PPP1R9A: variants seen among roughly 807,000 people sequenced by gnomAD.
The protein encoded by PPP1R9A is neurabin-1.
In PPP1R9A, 59 loss-of-function variants were observed where a neutral mutation model predicts 141.9. The observed-to-expected ratio is 0.42, with a 90% confidence interval of 0.34 to 0.52. PPP1R9A has a LOEUF of 0.52. Ranked by LOEUF, PPP1R9A falls within the 20% of genes least tolerant of loss-of-function variation. PPP1R9A has a pLI of 0.10. For synonymous variants in PPP1R9A, 500 were observed against 569.7 expected, an observed-to-expected ratio of 0.88 and a Z score of 1.74; for missense variants, 1,444 against 1,611.9, an observed-to-expected ratio of 0.90 and a Z score of 1.78.
chr7:95,070,612 C>CATATATATATATATATATAT (rs1189594255), intron 2 of PPP1R9A, among the ~76,000 whole-genome samples: 1,419 of 79,594 alleles, frequency 0.018, 34 homozygotes, highest in African/African-American at 0.062. Context: ...TATATATATA[C>CATATATATATATATATATAT]ACACACACAC....
rs866855364 is a variant in PPP1R9A at position 95,101,203 on chromosome 7, G to C, written c.1396-10056G>C. On this transcript the variant is annotated intron_variant, in intron 2 of 19. Transcript: ENST00000433360. ...GTTTTCACTTAAAATGAGGTGAAAC[G>C]TTCTTAGTTATATTAATCTCTTGGC... is the stretch of plus-strand genomic sequence containing the variant. 2.0e-5 allele frequency among the ~76,000 whole-genome samples: 3 copies of C among 152,226 alleles called. No homozygotes were observed. In the Middle Eastern group the frequency reaches 0.01, roughly 518 times the overall value.
chr7:95,071,875 C>T (rs1223716344), intron 2 of PPP1R9A, among the ~76,000 whole-genome samples: 1 of 151,704 alleles, frequency 6.6e-6, no homozygotes, highest in African/African-American at 2.4e-5. Context: ...GGCTATTTCC[C>T]TATGAAGACA....
chr7:95,182,397 A>G lies in PPP1R9A; in HGVS notation c.1755-15952A>G, dbSNP rs115800060. 6.7e-3 allele frequency among the ~76,000 whole-genome samples: 1,018 copies of G among 152,294 alleles called. 5 individuals are homozygous for G. Among genetic ancestry groups the G allele is most frequent in the Non-Finnish European group, 0.011 (739 of 68,018 alleles). On this transcript the variant is annotated intron_variant, in intron 5 of 19. Coordinates refer to ENST00000433360, the MANE Select transcript of PPP1R9A (RefSeq NM_001166160.2). ...AGTTTTTTAATAGATATGCACGTTT[A>G]TATTTGGATATACACCTGGATGTGT...
Position 95,288,984 on chromosome 7 carries a change from A to G in PPP1R9A, c.3912+266A>G, listed in dbSNP as rs77618564. Among the ~76,000 whole-genome samples the G allele has an allele frequency of 1.1e-3, 166 of 152,270 alleles. 1 individual carries two copies. In the East Asian group the frequency reaches 0.022, roughly 20 times the overall value. On this transcript the variant is annotated intron_variant, in intron 19 of 19. Coordinates refer to ENST00000433360, the MANE Select transcript of PPP1R9A (RefSeq NM_001166160.2). The stretch of plus-strand genomic sequence containing the variant: ...CCACCTGGCAACACATGGTCCATAT[A>G]TTAACTCTCCTTACATCTGATGTAG...
In PPP1R9A at chr7:94,922,585, C is replaced by T. The variant is rs547178665; in HGVS notation, c.1395+11077C>T. On this transcript the variant is annotated intron_variant, in intron 2 of 19. Coordinates refer to ENST00000433360, the MANE Select transcript of PPP1R9A (RefSeq NM_001166160.2). The stretch of plus-strand genomic sequence containing the variant: ...TATAATAGGATAAAGCTGTATTACT[C>T]ATGTTTTCTAAGATTACTTAAAGAT... 1.2e-4 allele frequency among the ~76,000 whole-genome samples: 18 copies of T among 152,208 alleles called. No homozygotes were observed. In the South Asian group the frequency reaches 3.7e-3, roughly 32 times the overall value.
At chr7:95,158,121 A>G (rs1047078980) in intron 4 of PPP1R9A, among the ~76,000 whole-genome samples, 3 of 152,216 alleles carry the variant, frequency 2.0e-5, no homozygotes, top group Non-Finnish European at 2.9e-5. Flanking sequence ...GCAAGGATAA[A>G]CAAAGAGATA....
chr7:94,989,121 G>A (rs1238888009), intron 2 of PPP1R9A, among the ~76,000 whole-genome samples: 1 of 151,918 alleles, frequency 6.6e-6, no homozygotes, highest in Non-Finnish European at 1.5e-5. Flanking sequence ...CTGAGAATGT[G>A]CATTTCTAAC....
intron 12 of PPP1R9A, among the ~76,000 whole-genome samples, chr7:95,263,662 G>A (rs913921796): frequency 1.3e-5 from 2 of 152,008 alleles, no homozygotes; most frequent in African/African-American, 4.8e-5. Context: ...TGCCCACCTC[G>A]GCCTCCCAAA....
chr7:95,003,789 A>G (rs865976982), intron 2 of PPP1R9A, among the ~76,000 whole-genome samples: 2 of 152,186 alleles, frequency 1.3e-5, no homozygotes, highest in Non-Finnish European at 2.9e-5. Flanking sequence ...TTCCTTAGGT[A>G]ATTCTAATGT....
chr7:95,202,529 T>C (rs1789793999), intron 6 of PPP1R9A: 1 of 736,704 alleles, frequency 1.4e-6, no homozygotes, highest in African/African-American at 1.9e-5. Context: ...ACTTGTTTTT[T>C]TTTTCTTTCT....
intron 12 of PPP1R9A, among the ~76,000 whole-genome samples, chr7:95,259,468 G>A (rs372470502): frequency 2.6e-5 from 4 of 152,150 alleles, no homozygotes; most frequent in East Asian, 1.9e-4. Context: ...GATAGCATCA[G>A]CCAGACATTT....
At chr7:94,920,471 A>AT (rs1792653323) in intron 2 of PPP1R9A, among the ~76,000 whole-genome samples, 1 of 152,156 alleles carries the variant, frequency 6.6e-6, no homozygotes, top group South Asian at 2.1e-4. Flanking sequence ...ATATCAGGAA[A>AT]TTTTATATTT....
chr7:95,285,013 G>A (rs975225789), intron 17 of PPP1R9A, among the ~76,000 whole-genome samples: 1 of 152,156 alleles, frequency 6.6e-6, no homozygotes, highest in Non-Finnish European at 1.5e-5. Context: ...AGCTCAAAGG[G>A]TTTTGACTGG....
intron 2 of PPP1R9A, among the ~76,000 whole-genome samples, chr7:95,102,416 T>C (rs537205124): frequency 2.0e-5 from 3 of 152,314 alleles, no homozygotes; most frequent in Admixed American, 2.0e-4. Context: ...AGAATTTTGA[T>C]TAGGTTTCAG....
intron 3 of PPP1R9A, among the ~76,000 whole-genome samples, chr7:95,118,929 C>A (rs1822010924): frequency 6.6e-6 from 1 of 150,974 alleles, no homozygotes; most frequent in South Asian, 2.1e-4. Flanking sequence ...CTGCAGTGAG[C>A]CATGATGGCG....
intron 2 of PPP1R9A, among the ~76,000 whole-genome samples, chr7:94,988,934 A>T (rs1190840388): frequency 6.6e-6 from 1 of 151,972 alleles, no homozygotes; most frequent in Non-Finnish European, 1.5e-5. Context: ...CCCATGTAAA[A>T]CTACTGATTA....
rs553898694 is a variant in PPP1R9A, at chr7:95,048,004, G to A, written c.1396-63255G>A. ...TAAGACTTTAATTATACTTTCCCAA[G>A]TAGAATATTTATTTTAAAAAGGAAT... On this transcript the variant is annotated intron_variant, in intron 2 of 19. Coordinates refer to ENST00000433360, the MANE Select transcript of PPP1R9A (RefSeq NM_001166160.2). Among the ~76,000 whole-genome samples the A allele has an allele frequency of 2.0e-4, 31 of 152,184 alleles. No homozygotes were observed. The South Asian group carries it at 3.9e-3, about 19-fold the overall frequency.
At chr7:95,136,274 T>A (rs1226756589) in intron 4 of PPP1R9A, among the ~76,000 whole-genome samples, 1 of 152,126 alleles carries the variant, frequency 6.6e-6, no homozygotes, top group African/African-American at 2.4e-5. Flanking sequence ...CATAATAACT[T>A]TTATAAAGCA....
In PPP1R9A at chr7:95,215,954, T is replaced by C. The variant is rs567939570; in HGVS notation, c.1957-10007T>C. Among the ~76,000 whole-genome samples, 13 of 152,372 alleles carry C rather than the reference T, an allele frequency of 8.5e-5. No homozygotes were observed. In the South Asian group the frequency reaches 1.7e-3, roughly 19 times the overall value. On this transcript the variant is annotated intron_variant, in intron 7 of 19. Coordinates refer to ENST00000433360, the MANE Select transcript of PPP1R9A (RefSeq NM_001166160.2). ...TCACTCTGATGGTAGTTTCTTTTGCTGTGAAGAAGCCCTTTAATTTAATTA... is the reference window on the plus strand; with the variant it reads ...TCACTCTGATGGTAGTTTCTTTTGCCGTGAAGAAGCCCTTTAATTTAATTA...
Sources: gnomAD v4.1 joint callset for allele counts (sites outside exome capture counted in the v4.1 genomes callset) on GRCh38, gnomAD v4.1.1 for gene constraint, MANE v1.5 for transcripts, NCBI Gene and HGNC (gene_info 2026-07-23, HGNC 2026-07-21) for gene names.